BICD1: variants seen among roughly 807,000 people sequenced by gnomAD.
BICD1 encodes the protein protein bicaudal D homolog 1.
In BICD1, 35 loss-of-function variants were observed where a neutral mutation model predicts 92.5. The observed-to-expected ratio is 0.38, with a 90% CI of 0.29 to 0.50. BICD1 has a LOEUF of 0.50. Among genes scored for constraint, BICD1 ranks in the 20% least tolerant of loss-of-function variants. The pLI is 0.93. For missense variants in BICD1, 950 were observed against 1,189.8 expected (o/e 0.80, Z 2.97); for synonymous variants, 429 against 465.1 (o/e 0.92, Z 1.00).
chr12:32,148,142 C>CAAAAAAAA (rs10525262), intron 1 of BICD1, among the ~76,000 whole-genome samples: 3,300 of 60,604 alleles, frequency 0.054, 289 homozygotes, highest in African/African-American at 0.19. Context: ...ACTCCGTCTC[C>CAAAAAAAA]AAAAAAAAAA....
chr12:32,337,418 A>T lies in BICD1; in HGVS notation c.2253-81A>T. On this transcript the variant is annotated intron_variant, in intron 6 of 9. Coordinates refer to ENST00000652176, the MANE Select transcript of BICD1 (RefSeq NM_001714.4). This position sits in a 1 kb window ranked among gnomAD's most constrained non-coding sequence, Gnocchi z 4.7. ...TCTTCTAAATTTCTAAATTTCGGTC[A>T]AATTTATTACTTTTCAGCTTAACTC... The T allele has an allele frequency of 7.2e-7, 1 of 1,385,650 alleles. No individual in the cohort carries two copies. The highest frequency in any genetic ancestry group is 1.5e-5 in the African/African-American group (1 of 68,934). 85.8% of individuals were successfully genotyped at this position (1,385,650 alleles called of 1,614,324 possible).
At chr12:32,324,795 G>C (rs1056694256) in intron 4 of BICD1, among the ~76,000 whole-genome samples, 8 of 152,052 alleles carry the variant, frequency 5.3e-5, no homozygotes, top group Non-Finnish European at 1.5e-5. Flanking sequence ...GGCCAGGCTG[G>C]TCTTGAACTC....
At chr12:32,251,692 T>A (rs1056658753) in intron 2 of BICD1, among the ~76,000 whole-genome samples, 4 of 152,110 alleles carry the variant, frequency 2.6e-5, no homozygotes, top group Admixed American at 1.3e-4. Flanking sequence ...TAATGGAGTC[T>A]TGGTTTATTT....
At chr12:32,169,449 T>C (rs1001311475) in intron 1 of BICD1, among the ~76,000 whole-genome samples, 1 of 152,126 alleles carries the variant, frequency 6.6e-6, no homozygotes, top group Non-Finnish European at 1.5e-5. Flanking sequence ...CATTAATTTT[T>C]TTTTTCTTAG....
At chr12:32,200,037 G>A (rs1175383815) in intron 1 of BICD1, among the ~76,000 whole-genome samples, 1 of 152,170 alleles carries the variant, frequency 6.6e-6, no homozygotes, top group Admixed American at 6.5e-5. Context: ...TGAAACAGTT[G>A]TTATGGAGGC....
In BICD1 at chr12:32,297,896, A is replaced by C. The variant is rs1947918399; in HGVS notation, c.579+3750A>C. On this transcript the variant is annotated intron_variant, in intron 3 of 9. Coordinates refer to ENST00000652176, the MANE Select transcript of BICD1 (RefSeq NM_001714.4). ...TAAATAAATACTTGTTGAAAGAATA[A>C]GAAAACTGGCCAGGCACGGTGGCTC... Among the ~76,000 whole-genome samples the C allele has an allele frequency of 1.3e-5, 2 of 152,142 alleles. 1 individual carries two copies. Among genetic ancestry groups the C allele is most frequent in the South Asian group, 4.1e-4 (2 of 4,826 alleles).
chr12:32,338,806 G>A lies in BICD1; in HGVS notation c.2591G>A (p.Cys864Tyr). The change falls in exon 8 of 10, where the codon TGT (cysteine) becomes TAT (tyrosine). Residue 864 changes from cysteine (C) to tyrosine (Y), a missense_variant. Cys to Tyr is a radical substitution (Grantham distance 194, BLOSUM62 -2). Transcript: ENST00000652176. ...QRKRQFSPSL[C>Y]DQSRPRTSGA... is the part of the protein sequence containing the mutation. Reference sequence around the variant, plus strand: ...GCAAGACAATTTTCACCTTCCCTTTGTGATCAGAGCCGTCCCAGGACTTCA... The same window carrying A: ...GCAAGACAATTTTCACCTTCCCTTTATGATCAGAGCCGTCCCAGGACTTCA... The A allele has an allele frequency of 7.6e-6, 12 of 1,586,614 alleles. No individual in the cohort carries two copies. Among genetic ancestry groups the A allele is most frequent in the Non-Finnish European group, 1.0e-5 (12 of 1,170,048 alleles).
intron 2 of BICD1, among the ~76,000 whole-genome samples, chr12:32,259,924 CTT>C (rs56372956): frequency 1.1e-3 from 161 of 140,848 alleles, no homozygotes; most frequent in African/African-American, 3.2e-3. Context: ...ACACTACACA[CTT>C]TTTTTTTTTT....
At chr12:32,336,172 C>CT (rs1041102519) in intron 6 of BICD1, among the ~76,000 whole-genome samples, 10 of 151,886 alleles carry the variant, frequency 6.6e-5, no homozygotes, top group Admixed American at 2.0e-4. Flanking sequence ...TTTTCACAGA[C>CT]TTTTTTTTGG....
intron 1 of BICD1, among the ~76,000 whole-genome samples, chr12:32,211,442 C>T (rs326629): frequency 0.97 from 148,040 of 152,274 alleles, 72,121 homozygotes; most frequent in East Asian, 1. Context: ...TCTGGGTCTA[C>T]ATCTGAAATG....
At chr12:32,244,157 T>C (rs1946310944) in intron 2 of BICD1, among the ~76,000 whole-genome samples, 1 of 151,988 alleles carries the variant, frequency 6.6e-6, no homozygotes, top group Non-Finnish European at 1.5e-5. Context: ...ATTTTTACAA[T>C]GAGACTTGGA....
chr12:32,196,802 T>G (rs1424773052), intron 1 of BICD1, among the ~76,000 whole-genome samples: 2 of 152,172 alleles, frequency 1.3e-5, no homozygotes, highest in Non-Finnish European at 2.9e-5. Flanking sequence ...AGATGATAAC[T>G]GGGTGGTGAT....
chr12:32,294,275 G>A, intron 3 of BICD1, 129 bp downstream of exon 3: 1 of 937,342 alleles, frequency 1.1e-6, no homozygotes, highest in Non-Finnish European at 1.5e-6. Context: ...TTTATGTACT[G>A]CAATGTCCCA....
chr12:32,245,920 C>T (rs560421542), intron 2 of BICD1, among the ~76,000 whole-genome samples: 3 of 144,060 alleles, frequency 2.1e-5, no homozygotes, highest in South Asian at 4.5e-4. Context: ...GTCCCAGCTA[C>T]TTGGGAGGCT....
intron 2 of BICD1, among the ~76,000 whole-genome samples, chr12:32,216,798 G>A (rs571480854): frequency 2.6e-5 from 4 of 152,320 alleles, no homozygotes; most frequent in African/African-American, 7.2e-5. Flanking sequence ...GGAGAAGAAC[G>A]GTTGGCTGTA....
At chr12:32,285,090 T>C (rs1384391593) in intron 2 of BICD1, among the ~76,000 whole-genome samples, 1 of 152,186 alleles carries the variant, frequency 6.6e-6, no homozygotes. Context: ...CTACTTCTGT[T>C]TGAAGGTTTA....
rs190443686 is a variant in BICD1 at position 32,122,453 on chromosome 12, C to T, written c.213+14909C>T. 3.6e-3 allele frequency among the ~76,000 whole-genome samples: 523 copies of T among 145,928 alleles called. 3 individuals carry two copies. The highest frequency in any genetic ancestry group is 5.2e-3 in the Non-Finnish European group (351 of 67,092). ...GCAGTGAGCTGAGATCGCGCCACTG[C>T]AGTCCAGCCTGGGCGACAGAGCAAG... is the stretch of plus-strand genomic sequence containing the variant. On this transcript the variant is annotated intron_variant, in intron 1 of 9. Transcript: ENST00000652176.
intron 1 of BICD1, among the ~76,000 whole-genome samples, chr12:32,114,737 A>AT (rs1941828309): frequency 6.6e-6 from 1 of 152,232 alleles, no homozygotes; most frequent in Admixed American, 6.5e-5. Context: ...TTTCTAGAAT[A>AT]TGGGATATAA....
chr12:32,130,161 C>T (rs1279054071), intron 1 of BICD1, among the ~76,000 whole-genome samples: 1 of 152,034 alleles, frequency 6.6e-6, no homozygotes, highest in East Asian at 1.9e-4. Context: ...TACTTTTTTT[C>T]CCATTAATTT....
Sources: gnomAD v4.1 joint callset for allele counts (sites outside exome capture counted in the v4.1 genomes callset) on GRCh38, gnomAD v4.1.1 for gene constraint, Gnocchi (gnomAD v3.1) non-coding constraint, MANE v1.5 for transcripts, NCBI Gene and HGNC (gene_info 2026-07-23, HGNC 2026-07-21) for gene names.